MYOCD: variants seen among roughly 807,000 people sequenced by gnomAD.
MYOCD encodes myocardin.
Under a neutral mutation model 96.1 loss-of-function variants are expected in MYOCD, and 32 were observed. The ratio of observed to expected loss-of-function variants is 0.33; its 90% CI spans 0.25 to 0.45. The LOEUF is 0.45. Ranked by LOEUF, MYOCD falls within the 20% of genes least tolerant of loss-of-function variation. The probability of loss-of-function intolerance (pLI) is 1.00; values close to 1 mark genes in which losing one functional copy is unlikely to be tolerated. For synonymous variants in MYOCD, 469 were observed against 469.0 expected, an observed-to-expected ratio of 1.00 and a Z score of 0.00; for missense variants, 1,133 against 1,200.6, an observed-to-expected ratio of 0.94 and a Z score of 0.83.
At position 12,763,329 on chromosome 17, in the gene MYOCD, C is replaced by G; in HGVS notation, c.2646C>G (p.His882Gln). Residue 882 changes from histidine to glutamine, a missense_variant, in exon 14 of 14, where the codon CAC (histidine) becomes CAG (glutamine). Physicochemically the swap from His to Gln is conservative, Grantham distance 24. Coordinates refer to ENST00000425538, the MANE Select transcript of MYOCD (RefSeq NM_001146312.3). ...TAAAAATTGGGAGCGAAGAGCCTCA[C>G]TTTGATGGGATAATGGATGGATTCT... Reference protein sequence around the residue: ...TLLKIGSEEPHFDGIMDGFSG... With the variant: ...TLLKIGSEEPQFDGIMDGFSG... 1 of 1,606,844 alleles carries G rather than the reference C, an allele frequency of 6.2e-7. No homozygotes were observed. Among genetic ancestry groups the G allele is most frequent in the Non-Finnish European group, 8.5e-7 (1 of 1,176,688 alleles).
At chr17:12,732,653 T>C (rs1171247667) in intron 5 of MYOCD, among the ~76,000 whole-genome samples, 1 of 152,166 alleles carries the variant, frequency 6.6e-6, no homozygotes, top group Admixed American at 6.5e-5. Flanking sequence ...AGGCTGGAGT[T>C]AAACGCAACA....
Position 12,760,384 on chromosome 17 carries a change from C to T in MYOCD, c.2332-266C>T, listed in dbSNP as rs570637787. The stretch of plus-strand genomic sequence containing the variant: ...GGGAAATTATGGTTGAATGGGTACA[C>T]GATTTTAGTCTTGCAGGATGAAAAG... On this transcript the variant is annotated intron_variant, in intron 12 of 13. Coordinates refer to ENST00000425538, the MANE Select transcript of MYOCD (RefSeq NM_001146312.3). 119 of 428,934 alleles carry T rather than the reference C, an allele frequency of 2.8e-4. 1 individual carries two copies. Among genetic ancestry groups the T allele is most frequent in the African/African-American group, 1.3e-3 (63 of 50,318 alleles). 26.6% of individuals were successfully genotyped at this position (428,934 alleles called of 1,614,324 possible).
chr17:12,676,475 T>A (rs1374523430), intron 1 of MYOCD, among the ~76,000 whole-genome samples: 3 of 152,206 alleles, frequency 2.0e-5, no homozygotes, highest in African/African-American at 4.8e-5. Context: ...CAGTAATTTT[T>A]AAATTTTCTT....
chr17:12,731,783 G>T (rs373224041), intron 5 of MYOCD, among the ~76,000 whole-genome samples: 1 of 152,134 alleles, frequency 6.6e-6, no homozygotes, highest in Non-Finnish European at 1.5e-5. Flanking sequence ...GGGCCACACC[G>T]AACACCACAG....
intron 1 of MYOCD, among the ~76,000 whole-genome samples, chr17:12,668,600 G>A (rs1235923455): frequency 6.6e-6 from 1 of 152,002 alleles, no homozygotes; most frequent in Non-Finnish European, 1.5e-5. Flanking sequence ...GTATGAACAT[G>A]TTTAGTGATA....
At chr17:12,723,134 G>T (rs1190067739) in intron 5 of MYOCD, 126 bp downstream of exon 5, 2 of 861,916 alleles carry the variant, frequency 2.3e-6, no homozygotes, top group Non-Finnish European at 3.5e-6. Flanking sequence ...ACCATGGGTT[G>T]TTAGTCCAGT....
intron 10 of MYOCD, 113 bp from the exon 11 acceptor site, chr17:12,756,301 A>C (rs2033009558): frequency 8.1e-7 from 1 of 1,227,948 alleles, no homozygotes; most frequent in African/African-American, 1.5e-5. Context: ...GAATTTAGGA[A>C]GGTTTGTAAA....
chr17:12,698,887 C>A (rs1026140261), intron 1 of MYOCD, among the ~76,000 whole-genome samples: 1 of 151,092 alleles, frequency 6.6e-6, no homozygotes, highest in Non-Finnish European at 1.5e-5. Flanking sequence ...GGACTACAGA[C>A]GCCCGCCACC....
intron 5 of MYOCD, among the ~76,000 whole-genome samples, chr17:12,728,549 A>G (rs1195220810): frequency 1.3e-5 from 2 of 152,016 alleles, no homozygotes; most frequent in Non-Finnish European, 2.9e-5. Context: ...GCATGATTTC[A>G]GCTCACCGCA....
intron 3 of MYOCD, among the ~76,000 whole-genome samples, 164 bp from the exon 4 acceptor site, chr17:12,717,182 A>T (rs558045973): frequency 6.6e-6 from 1 of 152,146 alleles, no homozygotes; most frequent in Admixed American, 6.6e-5. Flanking sequence ...TCCCATCTAA[A>T]AATTACTCGA....
intron 4 of MYOCD, 140 bp from the exon 5 acceptor site, chr17:12,722,704 GTGA>G: frequency 1.5e-6 from 1 of 650,884 alleles, no homozygotes; most frequent in Admixed American, 2.6e-5. Flanking sequence ...TCCCTGTAAA[GTGA>G]TGATGATTGC....
chr17:12,675,749 C>G (rs1160904537), intron 1 of MYOCD, among the ~76,000 whole-genome samples: 1 of 152,180 alleles, frequency 6.6e-6, no homozygotes, highest in Non-Finnish European at 1.5e-5. Flanking sequence ...GTCCCAGCTA[C>G]CTGGAAGGCT....
At chr17:12,736,982 C>T (rs562651393) in intron 6 of MYOCD, among the ~76,000 whole-genome samples, 6 of 152,304 alleles carry the variant, frequency 3.9e-5, no homozygotes, top group Admixed American at 6.5e-5. Context: ...GGGCTGGGCA[C>T]GGTGGCTCAC....
intron 9 of MYOCD, among the ~76,000 whole-genome samples, chr17:12,748,258 T>A (rs2032731279): frequency 6.6e-6 from 1 of 151,612 alleles, no homozygotes; most frequent in Admixed American, 6.6e-5. Flanking sequence ...CTTATTGATA[T>A]TAAGAAATAA....
At chr17:12,675,336 T>C (rs1909952451) in intron 1 of MYOCD, among the ~76,000 whole-genome samples, 2 of 152,204 alleles carry the variant, frequency 1.3e-5, no homozygotes, top group South Asian at 4.1e-4. Context: ...TCACAGTTTA[T>C]AATGCCTAAC....
At chr17:12,684,975 TGC>T (rs2030024989) in intron 1 of MYOCD, among the ~76,000 whole-genome samples, 1 of 151,514 alleles carries the variant, frequency 6.6e-6, no homozygotes, top group Non-Finnish European at 1.5e-5. Context: ...GGGTAGGAAG[TGC>T]CATGTTTATT....
intron 1 of MYOCD, among the ~76,000 whole-genome samples, chr17:12,692,570 C>T (rs2030508040): frequency 6.6e-6 from 1 of 152,182 alleles, no homozygotes; most frequent in Admixed American, 6.5e-5. Context: ...TTCCCAATGT[C>T]CTTGCCCCAT....
Position 12,752,867 on chromosome 17 carries a change from G to A in MYOCD, c.1579G>A (p.Val527Met), listed in dbSNP as rs550499421. The A allele has an allele frequency of 5.0e-6, 8 of 1,614,110 alleles. No homozygotes were observed. Among genetic ancestry groups the A allele is most frequent in the South Asian group, 1.1e-5 (1 of 91,056 alleles). The change falls in exon 10 of 14, where the codon GTG becomes ATG. Residue 527 changes from valine to methionine, a missense_variant. Coordinates refer to ENST00000425538, the MANE Select transcript of MYOCD (RefSeq NM_001146312.3). ...CAAGATGCTGGTGGAGAAGCAGAAG[G>A]TGATCAATGAACTCACCTGGAAACT... ...KDKMLVEKQK[V>M]INELTWKLQQ...
At chr17:12,708,673 G>A (rs2150677198) in intron 2 of MYOCD, among the ~76,000 whole-genome samples, 1 of 152,252 alleles carries the variant, frequency 6.6e-6, no homozygotes, top group Admixed American at 6.5e-5. Flanking sequence ...TTACAGGCGT[G>A]AGCCACCGCG....
Sources: gnomAD v4.1 joint callset for allele counts (sites outside exome capture counted in the v4.1 genomes callset) on GRCh38, gnomAD v4.1.1 for gene constraint, MANE v1.5 for transcripts, NCBI Gene and HGNC (gene_info 2026-07-23, HGNC 2026-07-21) for gene names.